The following ICE1 variants were observed in gnomAD, a reference collection of about 807,000 sequenced individuals.
ICE1 encodes the protein little elongation complex subunit 1.
Under a neutral mutation model 192.7 loss-of-function variants are expected in ICE1, and 64 were observed. The observed-to-expected ratio is 0.33, with a 90% CI of 0.27 to 0.41. ICE1 has a LOEUF of 0.41. Ranked by LOEUF, ICE1 falls within the 10% of genes least tolerant of loss-of-function variation. The pLI is 1.00. For missense variants in ICE1, 2,708 were observed against 2,696.0 expected (o/e 1.00, Z -0.10); for synonymous variants, 1,010 against 984.5 (o/e 1.03, Z -0.49).
At chr5:5,443,317 G>GTTT in intron 6 of ICE1, 73 bp downstream of exon 6, 14 of 633,132 alleles carry the variant, frequency 2.2e-5, no homozygotes, top group East Asian at 3.7e-5. Flanking sequence ...AGTCGGTAGT[G>GTTT]TTTTTTTTTT....
intron 1 of ICE1, among the ~76,000 whole-genome samples, chr5:5,434,294 A>G (rs1457903368): frequency 1.3e-5 from 2 of 152,292 alleles, no homozygotes; most frequent in African/African-American, 2.4e-5. Flanking sequence ...TTACTATTCA[A>G]TATTGTGCTG....
chr5:5,444,449 T>A (rs1464625783), intron 7 of ICE1, 123 bp downstream of exon 7: 1 of 661,894 alleles, frequency 1.5e-6, no homozygotes. Context: ...CATCCATGGA[T>A]GACTGCATCA....
intron 1 of ICE1, among the ~76,000 whole-genome samples, chr5:5,434,393 C>T (rs1318389645): frequency 3.3e-5 from 5 of 152,166 alleles, no homozygotes; most frequent in Non-Finnish European, 7.4e-5. Flanking sequence ...TACAACTATT[C>T]ACATAACACA....
At position 5,455,462 on chromosome 5, in the gene ICE1, C is replaced by G. The variant is rs187478508; in HGVS notation, c.691+824C>G. Among the ~76,000 whole-genome samples the G allele has an allele frequency of 2.0e-5, 3 of 152,284 alleles. No homozygotes were observed. The East Asian group carries it at 5.8e-4, about 29-fold the overall frequency. On this transcript the variant is annotated intron_variant, in intron 11 of 18. Coordinates refer to ENST00000296564, the MANE Select transcript of ICE1 (RefSeq NM_015325.3). The stretch of plus-strand genomic sequence containing the variant: ...TAATTTATCAATTCATCTGTTTAGG[C>G]AGAAGCAACCAAGGGATGCTTTTTG...
rs537336867 is a variant in ICE1, at chr5:5,462,165, C to T, written c.2831C>T (p.Ser944Leu). The part of the protein sequence containing the change: ...KLDFNSPGGS[S>L]PVENSDCSTN... ...GATTTTAATTCTCCAGGTGGTTCTT[C>T]ACCAGTAGAAAATTCTGATTGTTCC... The change falls in exon 13 of 19, where the codon TCA (serine) becomes TTA (leucine). Residue 944 changes from serine (S) to leucine (L), a missense_variant. Physicochemically the swap from Ser to Leu is moderately radical, Grantham distance 145 (BLOSUM62 -2). Transcript: ENST00000296564. 3 of 1,613,222 alleles carry T rather than the reference C, an allele frequency of 1.9e-6. No homozygotes were observed. In the South Asian group the frequency reaches 3.3e-5, roughly 18 times the overall value.
intron 3 of ICE1, among the ~76,000 whole-genome samples, chr5:5,438,242 G>GA (rs1737935819): frequency 6.6e-6 from 1 of 152,150 alleles, no homozygotes; most frequent in Admixed American, 6.6e-5. Context: ...AACAGCACTG[G>GA]GGGACTGCCC....
intron 15 of ICE1, among the ~76,000 whole-genome samples, chr5:5,469,260 A>G (rs528041846): frequency 1.2e-4 from 19 of 152,344 alleles, no homozygotes; most frequent in Non-Finnish European, 2.6e-4. Context: ...GCATAGGTGT[A>G]TATGTTTAAA....
chr5:5,471,283 T>C (rs899675310), intron 15 of ICE1, among the ~76,000 whole-genome samples: 1 of 152,142 alleles, frequency 6.6e-6, no homozygotes, highest in Non-Finnish European at 1.5e-5. Flanking sequence ...AAAATAAAAA[T>C]GATGAATATT....
At chr5:5,426,785 C>G (rs1203225212) in intron 1 of ICE1, among the ~76,000 whole-genome samples, 2 of 152,186 alleles carry the variant, frequency 1.3e-5, no homozygotes, top group African/African-American at 2.4e-5. Context: ...AGTAGATAAC[C>G]GCTTTTTGGA....
intron 15 of ICE1, among the ~76,000 whole-genome samples, chr5:5,470,629 A>G (rs1249629119): frequency 3.3e-5 from 5 of 152,218 alleles, no homozygotes; most frequent in Non-Finnish European, 5.9e-5. Flanking sequence ...ATGTGTATGA[A>G]GAATATGTAT....
At chr5:5,441,332 A>T in intron 5 of ICE1, 109 bp downstream of exon 5, 1 of 665,938 alleles carries the variant, frequency 1.5e-6, no homozygotes, top group Non-Finnish European at 2.6e-6. Flanking sequence ...AATAAAGGCT[A>T]GTCAAGACTC....
chr5:5,439,791 A>G, intron 3 of ICE1, 104 bp from the exon 4 acceptor site: 1 of 695,256 alleles, frequency 1.4e-6, no homozygotes, highest in Non-Finnish European at 2.4e-6. Flanking sequence ...TCTTGCCTGT[A>G]TATATGTTGA....
chr5:5,483,274 G>T (rs1479520697), intron 17 of ICE1, among the ~76,000 whole-genome samples: 1 of 152,146 alleles, frequency 6.6e-6, no homozygotes, highest in Admixed American at 6.5e-5. Flanking sequence ...GGGATTACAG[G>T]TGTGAGCCAC....
chr5:5,486,187 G>C (rs925321510), intron 17 of ICE1, among the ~76,000 whole-genome samples: 10 of 152,188 alleles, frequency 6.6e-5, no homozygotes, highest in Non-Finnish European at 1.3e-4. Flanking sequence ...TTGAGTGTGA[G>C]CACCTGGCAG....
In ICE1 at chr5:5,489,306, C is replaced by T. The variant is rs914600660; in HGVS notation, c.6777C>T (p.Ala2259=). ...TCAGCTGCCTAGAGGAAGTCAGTGC[C>T]CTGAGCACAGAGGAGCTTGGCTGAC... The part of the protein sequence containing the change: ...AIVSCLEEVS[A]LSTEELG Residue 2259 remains alanine (A), a synonymous_variant, in exon 19 of 19, where the codon GCC becomes GCT. Transcript: ENST00000296564. 5.0e-6 allele frequency: 8 copies of T among 1,612,566 alleles called. No homozygotes were observed. In the African/African-American group the frequency reaches 1.1e-4, roughly 22 times the overall value.
chr5:5,460,762 A>G lies in ICE1; in HGVS notation c.1428A>G (p.Arg476=). Residue 476 remains arginine, a synonymous_variant, in exon 13 of 19, where the codon AGA becomes AGG. Coordinates refer to ENST00000296564, the MANE Select transcript of ICE1 (RefSeq NM_015325.3). ...CTCGATCCATGAGTGATAGAAAAAG[A>G]GACATTTTACATGAGACAAAAACAC... ...TASRSMSDRK[R]DILHETKTQM... The G allele has an allele frequency of 6.2e-7, 1 of 1,614,056 alleles. No individual in the cohort carries two copies. Among genetic ancestry groups the G allele is most frequent in the Admixed American group, 1.7e-5 (1 of 60,034 alleles).
chr5:5,423,074 C>T, intron 1 of ICE1, 75 bp downstream of exon 1: 1 of 1,025,324 alleles, frequency 9.8e-7, no homozygotes, highest in South Asian at 3.2e-5. Flanking sequence ...GATGTGGGGT[C>T]CGGCCGCGCG....
chr5:5,462,446 T>C lies in ICE1; in HGVS notation c.3112T>C (p.Ser1038Pro). ...TGAGGCCCTGGCTGTTGCAAATGAT[T>C]CTACCAGCACACCACAAAATGCTAA... ...GGEALAVAND[S>P]TSTPQNANGL... The change falls in exon 13 of 19, where the codon TCT becomes CCT. Residue 1038 changes from serine (S) to proline (P), a missense_variant. By Grantham distance (74) the Ser-to-Pro change is moderately conservative. Around this residue, in one of 2 missense-constraint regions of ICE1, gnomAD observed 2,366 missense variants for 2,276.6 expected, o/e 1.04. Coordinates refer to ENST00000296564, the MANE Select transcript of ICE1 (RefSeq NM_015325.3). The C allele has an allele frequency of 6.2e-7, 1 of 1,613,968 alleles. No homozygotes were observed. The highest frequency in any genetic ancestry group is 8.5e-7 in the Non-Finnish European group (1 of 1,179,868).
intron 18 of ICE1, among the ~76,000 whole-genome samples, chr5:5,488,638 C>T (rs944500150): frequency 5.6e-5 from 5 of 89,172 alleles, no homozygotes; most frequent in African/African-American, 2.2e-4. Context: ...AGCTGTAATC[C>T]AGAATCATAC....
Sources: allele counts gnomAD v4.1 joint callset (sites outside exome capture counted in the v4.1 genomes callset), GRCh38; gene constraint gnomAD v4.1.1; regional missense constraint gnomAD v4.1.1; transcripts MANE v1.5; gene names NCBI Gene and HGNC (gene_info 2026-07-23, HGNC 2026-07-21).